NDUFB9: variants seen among roughly 807,000 people sequenced by gnomAD.
NDUFB9 encodes NADH dehydrogenase [ubiquinone] 1 beta subcomplex subunit 9.
NDUFB9 carries 24 observed loss-of-function variants against 30.2 expected under a neutral mutation model. The observed-to-expected ratio is 0.80, with a 90% CI of 0.58 to 1.12. NDUFB9 has a LOEUF of 1.12. Ranked by LOEUF, NDUFB9 falls within the 50% of genes most tolerant of loss-of-function variation. NDUFB9 has a pLI of 0.00. For synonymous variants in NDUFB9, 80 were observed against 84.0 expected (o/e 0.95, Z 0.26); for missense variants, 204 against 226.0 (o/e 0.90, Z 0.62).
intron 2 of NDUFB9, among the ~76,000 whole-genome samples, chr8:124,543,970 G>A (rs899626453): frequency 2.8e-4 from 42 of 152,212 alleles, no homozygotes; most frequent in African/African-American, 8.0e-4. Context: ...GAAAGCCAAG[G>A]TGGGTAGAAA....
rs10195 is a variant in NDUFB9, at chr8:124,549,788, C to T, written c.436C>T (p.Pro146Ser). The T allele has an allele frequency of 0.093, 149,978 of 1,613,860 alleles. 7,616 individuals carry two copies. The highest frequency in any genetic ancestry group is 0.19 in the East Asian group (8,730 of 44,866). ...EVKQLQEETP[P>S]GGPLTEALPP... Reference sequence around the variant, plus strand: ...TAAGCAGCTGCAGGAGGAAACGCCACCTGGTGGTCCTTTAACTGAAGCTTT... The same window carrying T: ...TAAGCAGCTGCAGGAGGAAACGCCATCTGGTGGTCCTTTAACTGAAGCTTT... The change falls in exon 4 of 4, where the codon CCT (proline) becomes TCT (serine). Residue 146 changes from proline to serine, a missense_variant. Coordinates refer to ENST00000276689, the MANE Select transcript of NDUFB9 (RefSeq NM_005005.3).
intron 3 of NDUFB9, 131 bp from the exon 4 acceptor site, chr8:124,549,630 A>G (rs918038171): frequency 9.3e-6 from 8 of 856,228 alleles, no homozygotes; most frequent in Non-Finnish European, 1.4e-5. Flanking sequence ...ACACTTTTCA[A>G]TATTGTGATC....
intron 1 of NDUFB9, among the ~76,000 whole-genome samples, chr8:124,541,022 C>T (rs1375521953): frequency 1.3e-5 from 2 of 152,058 alleles, no homozygotes; most frequent in Non-Finnish European, 2.9e-5. Flanking sequence ...AAAAATTAGC[C>T]AGGCGTGGTG....
chr8:124,547,678 G>T (rs972091491), intron 3 of NDUFB9, among the ~76,000 whole-genome samples: 1 of 152,004 alleles, frequency 6.6e-6, no homozygotes, highest in South Asian at 2.1e-4. Context: ...GGATGGGGAG[G>T]AATCAAGAAT....
intron 3 of NDUFB9, 60 bp downstream of exon 3, chr8:124,547,173 C>T (rs747851188): frequency 4.5e-6 from 6 of 1,327,894 alleles, no homozygotes; most frequent in Non-Finnish European, 6.5e-6. Flanking sequence ...AGTTTTGCTC[C>T]CCACAAGCAG....
At chr8:124,540,886 T>C (rs1051881522) in intron 1 of NDUFB9, among the ~76,000 whole-genome samples, 3 of 152,170 alleles carry the variant, frequency 2.0e-5, no homozygotes, top group African/African-American at 7.2e-5. Context: ...ATCACGACTG[T>C]TGGCTGGGCA....
chr8:124,540,448 A>G (rs1412529295), intron 1 of NDUFB9, among the ~76,000 whole-genome samples: 1 of 152,354 alleles, frequency 6.6e-6, no homozygotes, highest in Non-Finnish European at 1.5e-5. Flanking sequence ...ATCCCAACAC[A>G]AATGGTAAAT....
chr8:124,541,179 TA>T (rs542420500), intron 1 of NDUFB9, among the ~76,000 whole-genome samples: 341 of 149,548 alleles, frequency 2.3e-3, no homozygotes, highest in African/African-American at 7.5e-3. Flanking sequence ...AAAATAATAA[TA>T]AAAAAAAAAT....
intron 2 of NDUFB9, among the ~76,000 whole-genome samples, chr8:124,545,157 C>G (rs563383005): frequency 1.3e-3 from 205 of 152,316 alleles, no homozygotes; most frequent in African/African-American, 4.8e-3. Context: ...AAAGTGGTTT[C>G]TTGAGATGGA....
chr8:124,547,036 G>A lies in NDUFB9; in HGVS notation c.331G>A (p.Glu111Lys). The change falls in exon 3 of 4, where the codon GAG becomes AAG. Residue 111 changes from glutamate (E) to lysine (K), a missense_variant. By Grantham distance (56) the Glu-to-Lys change is moderately conservative. Transcript: ENST00000276689. ...EWCLDDWHPS[E>K]KAMYPDYFAK... ...GTGCTTAGATGACTGGCATCCTTCT[G>A]AGAAGGCAATGTATCCTGATTACTT... 6 of 1,612,778 alleles carry A rather than the reference G, an allele frequency of 3.7e-6. No individual in the cohort carries two copies. Among genetic ancestry groups the A allele is most frequent in the Non-Finnish European group, 5.1e-6 (6 of 1,179,988 alleles).
intron 1 of NDUFB9, 158 bp downstream of exon 1, chr8:124,539,445 A>C (rs1821826792): frequency 1.5e-6 from 1 of 684,550 alleles, no homozygotes. Flanking sequence ...GTTCAAATCC[A>C]GGCTTCGCCA....
intron 3 of NDUFB9, chr8:124,547,343 C>G (rs1244580439): frequency 3.6e-5 from 23 of 630,652 alleles, no homozygotes; most frequent in Middle Eastern, 4.0e-4. Context: ...CTTCAGATCT[C>G]CTTCTCTTTA....
intron 1 of NDUFB9, 186 bp from the exon 2 acceptor site, chr8:124,542,901 T>G: frequency 1.6e-6 from 1 of 626,212 alleles, no homozygotes; most frequent in South Asian, 1.8e-5. Flanking sequence ...TACAGTATTT[T>G]TTTGCTGCTG....
At position 124,549,946 on chromosome 8, in the gene NDUFB9, G is replaced by A. The variant is rs1586721547; in HGVS notation, c.*54G>A. 8.7e-6 allele frequency: 14 copies of A among 1,612,848 alleles called. No individual in the cohort carries two copies. The East Asian group carries it at 1.8e-4, about 21-fold the overall frequency. ...GCAAGTGAAATATGTTACAGAACAT[G>A]CACTTGCCCTAATAAAAAATCAGTG... On this transcript the variant is annotated 3_prime_UTR_variant, in exon 4 of 4. Coordinates refer to ENST00000276689, the MANE Select transcript of NDUFB9 (RefSeq NM_005005.3).
rs1200656809 is a variant in NDUFB9, at chr8:124,547,088, T to C, written c.383T>C (p.Leu128Pro). 6 of 1,613,804 alleles carry C rather than the reference T, an allele frequency of 3.7e-6. No homozygotes were observed. Among genetic ancestry groups the C allele is most frequent in the South Asian group, 1.1e-5 (1 of 91,066 alleles). ...YFAKREQWKK[L>P]RRESWEREVK... ...GCCAAGAGAGAACAGTGGAAGAAAC[T>C]GCGGAGGGAAAGCTGGGAACGAGAG... The change falls in exon 3 of 4, where the codon CTG becomes CCG. Residue 128 changes from leucine to proline, a missense_variant. Leu to Pro is a moderately conservative substitution (Grantham distance 98). Coordinates refer to ENST00000276689, the MANE Select transcript of NDUFB9 (RefSeq NM_005005.3).
At chr8:124,543,715 C>T (rs1057149473) in intron 2 of NDUFB9, among the ~76,000 whole-genome samples, 2 of 152,198 alleles carry the variant, frequency 1.3e-5, no homozygotes, top group African/African-American at 4.8e-5. Flanking sequence ...CAGACTTAAT[C>T]GATAAATGTG....
chr8:124,547,009 T>C lies in NDUFB9; in HGVS notation c.304T>C (p.Trp102Arg). ...ERYDCYKVPE[W>R]CLDDWHPSEK... ...TTTCCTCTCCTGACAGGTCCCAGAA[T>C]GGTGCTTAGATGACTGGCATCCTTC... The change falls in exon 3 of 4, where the codon TGG becomes CGG. Residue 102 changes from tryptophan (W) to arginine (R), a missense_variant. Transcript: ENST00000276689. 1 of 1,611,008 alleles carries C rather than the reference T, an allele frequency of 6.2e-7. No individual in the cohort carries two copies.
At chr8:124,542,906 C>A in intron 1 of NDUFB9, 181 bp from the exon 2 acceptor site, 1 of 571,588 alleles carries the variant, frequency 1.7e-6, no homozygotes, top group Non-Finnish European at 3.1e-6. Flanking sequence ...TATTTTTTTG[C>A]TGCTGCTGTT....
chr8:124,546,849 G>A, intron 2 of NDUFB9, 151 bp from the exon 3 acceptor site: 2 of 729,320 alleles, frequency 2.7e-6, no homozygotes, highest in Non-Finnish European at 5.0e-6. Context: ...CTTATCCTCT[G>A]CTGTTCCTTG....
Sources: gnomAD v4.1 joint callset for allele counts (sites outside exome capture counted in the v4.1 genomes callset) on GRCh38, gnomAD v4.1.1 for gene constraint, MANE v1.5 for transcripts, NCBI Gene and HGNC (gene_info 2026-07-23, HGNC 2026-07-21) for gene names.